The following THOC5 variants were observed in gnomAD, a reference collection of about 807,000 sequenced individuals.
THOC5 encodes the protein Fms-interacting protein.
THOC5 carries 43 observed loss-of-function variants against 92.9 expected under a neutral mutation model. The ratio of observed to expected loss-of-function variants is 0.46; its 90% confidence interval spans 0.36 to 0.60. The LOEUF is 0.60. THOC5 is among the 20% of genes least tolerant of loss of function. The pLI, the probability that THOC5 is intolerant of heterozygous loss-of-function variation, is 0.00. For synonymous variants in THOC5, 296 were observed against 320.1 expected, an observed-to-expected ratio of 0.92 and a Z score of 0.80; for missense variants, 659 against 849.4, an observed-to-expected ratio of 0.78 and a Z score of 2.79.
intron 5 of THOC5, among the ~76,000 whole-genome samples, chr22:29,539,783 A>T (rs1194579862): frequency 6.6e-6 from 1 of 152,172 alleles, no homozygotes; most frequent in East Asian, 1.9e-4. Context: ...TAAAAAGTCA[A>T]GTAAAAACAC....
intron 17 of THOC5, 28 bp downstream of exon 17, chr22:29,517,001 G>C: frequency 6.2e-7 from 1 of 1,611,750 alleles, no homozygotes; most frequent in Non-Finnish European, 8.5e-7. Flanking sequence ...CCTTTGTCTA[G>C]AACCCCTGTA....
At chr22:29,526,524 T>C (rs2063548516) in intron 11 of THOC5, among the ~76,000 whole-genome samples, 1 of 151,284 alleles carries the variant, frequency 6.6e-6, no homozygotes. Context: ...AGAGCGAGAC[T>C]CTGTCTCAAG....
intron 3 of THOC5, among the ~76,000 whole-genome samples, 192 bp downstream of exon 3, chr22:29,544,268 A>T (rs1461425505): frequency 1.3e-5 from 2 of 152,194 alleles, no homozygotes; most frequent in African/African-American, 4.8e-5. Context: ...CTGTACTTTC[A>T]TTCCTGTAAT....
chr22:29,547,245 C>T (rs549036523), intron 2 of THOC5, among the ~76,000 whole-genome samples: 5 of 152,308 alleles, frequency 3.3e-5, no homozygotes, highest in Non-Finnish European at 7.4e-5. Flanking sequence ...AAGGCAGGGG[C>T]AAATGTTTTC....
chr22:29,534,489 G>A (rs1231173117), intron 7 of THOC5: 1 of 150,830 alleles, frequency 6.6e-6, no homozygotes, highest in Non-Finnish European at 1.5e-5. Context: ...CAAGACCTTA[G>A]GCAATGAATT....
At chr22:29,549,604 G>A (rs966559279) in intron 1 of THOC5, among the ~76,000 whole-genome samples, 1 of 152,108 alleles carries the variant, frequency 6.6e-6, no homozygotes, top group Non-Finnish European at 1.5e-5. Context: ...AAAAAAGACC[G>A]ACCTAATTAA....
In THOC5 at chr22:29,508,461, C is replaced by T. The variant is rs200592450; in HGVS notation, c.2048G>A (p.Arg683His). The T allele has an allele frequency of 2.1e-5, 34 of 1,614,158 alleles. No individual in the cohort carries two copies. Among genetic ancestry groups the T allele is most frequent in the South Asian group, 8.8e-5 (8 of 91,082 alleles). ...YNHPQGFFSHR is the reference protein window; with the variant it reads ...YNHPQGFFSHH ...AACAACGGTCTGCGCGGGAGATCAG[C>T]GATGGCTGAAGAATCCCTGAGGATG... Residue 683 changes from arginine (R) to histidine (H), a missense_variant, in exon 20 of 20, where the codon CGC becomes CAC. Coordinates refer to ENST00000490103, the MANE Select transcript of THOC5 (RefSeq NM_003678.5).
intron 2 of THOC5, among the ~76,000 whole-genome samples, chr22:29,548,517 T>C (rs2064073922): frequency 6.6e-6 from 1 of 152,142 alleles, no homozygotes; most frequent in Non-Finnish European, 1.5e-5. Flanking sequence ...ATCGTGCCAC[T>C]GTACTCCGAC....
chr22:29,508,455 G>T lies in THOC5; in HGVS notation c.*2C>A, dbSNP rs2063160963. On this transcript the variant is annotated 3_prime_UTR_variant, in exon 20 of 20. Coordinates refer to ENST00000490103, the MANE Select transcript of THOC5 (RefSeq NM_003678.5). ...GGGGGAAACAACGGTCTGCGCGGGA[G>T]ATCAGCGATGGCTGAAGAATCCCTG... The T allele has an allele frequency of 1.9e-6, 3 of 1,614,060 alleles. No individual in the cohort carries two copies. Among genetic ancestry groups the T allele is most frequent in the Admixed American group, 1.7e-5 (1 of 60,006 alleles).
At chr22:29,523,512 C>T (rs2063485494) in intron 12 of THOC5, among the ~76,000 whole-genome samples, 1 of 152,154 alleles carries the variant, frequency 6.6e-6, no homozygotes, top group African/African-American at 2.4e-5. Flanking sequence ...CACAAGAACA[C>T]ACAGGTAGAA....
chr22:29,551,585 A>G (rs2064145099), intron 1 of THOC5, among the ~76,000 whole-genome samples: 1 of 152,096 alleles, frequency 6.6e-6, no homozygotes. Flanking sequence ...CCCCATCTTT[A>G]GAAAACATTT....
rs1332706153 is a variant in THOC5, at chr22:29,536,736, A to C, written c.602T>G (p.Leu201Arg). ...TAGGCACTCTCGGTACTTCTCTGCC[A>C]GCCTGTTGGGGGAGGAAAGAGCATT... ...LDWELEQRKR[L>R]AEKYRECLSN... The change falls in exon 7 of 20, where the codon CTG becomes CGG. Residue 201 changes from leucine (L) to arginine (R), a missense_variant and splice_region_variant. By Grantham distance (102) the Leu-to-Arg change is moderately radical. Transcript: ENST00000490103. 1 of 1,587,402 alleles carries C rather than the reference A, an allele frequency of 6.3e-7. No homozygotes were observed. The highest frequency in any genetic ancestry group is 8.7e-7 in the Non-Finnish European group (1 of 1,155,598).
In THOC5 at chr22:29,544,507, G is replaced by A; in HGVS notation, c.193C>T (p.Leu65=). 6.2e-7 allele frequency: 1 copy of A among 1,614,102 alleles called. No individual in the cohort carries two copies. Residue 65 remains leucine, a synonymous_variant, in exon 3 of 20, where the codon CTG becomes TTG. Transcript: ENST00000490103. ...YKYTCQELQR[L]MAEIQDLKSR... is the part of the protein sequence containing the mutation. ...TTCAGGTCTTGGATCTCAGCCATCA[G>A]CCTCTGTAGCTCCTGGCAGGTGTAC... is the stretch of plus-strand genomic sequence containing the variant.
chr22:29,547,289 C>T (rs1387352288), intron 2 of THOC5, among the ~76,000 whole-genome samples: 1 of 152,188 alleles, frequency 6.6e-6, no homozygotes, highest in African/African-American at 2.4e-5. Context: ...GTCACCTTTG[C>T]TGCAGTTTCC....
At chr22:29,552,540 C>A (rs2064182889) in intron 1 of THOC5, among the ~76,000 whole-genome samples, 1 of 139,672 alleles carries the variant, frequency 7.2e-6, no homozygotes, top group South Asian at 2.1e-4. Context: ...GGGGGGCAGC[C>A]CCCGCCCGGC....
chr22:29,550,101 T>A (rs1217863039), intron 1 of THOC5, among the ~76,000 whole-genome samples: 2 of 152,154 alleles, frequency 1.3e-5, no homozygotes, highest in East Asian at 1.9e-4. Flanking sequence ...CTCCCAATAC[T>A]ACTGTGATCA....
intron 7 of THOC5, among the ~76,000 whole-genome samples, chr22:29,534,165 AG>A (rs1434756971): frequency 1.7e-4 from 26 of 152,262 alleles, no homozygotes; most frequent in African/African-American, 6.3e-4. Flanking sequence ...GCTGAACAAA[AG>A]AAGCCAGACA....
chr22:29,508,522 T>C lies in THOC5; in HGVS notation c.1989-2A>G. 6.2e-7 allele frequency: 1 copy of C among 1,613,332 alleles called. No homozygotes were observed. Among genetic ancestry groups the C allele is most frequent in the East Asian group, 2.2e-5 (1 of 44,870 alleles). On this transcript the variant is annotated splice_acceptor_variant, in intron 19 of 19. Coordinates refer to ENST00000490103, the MANE Select transcript of THOC5 (RefSeq NM_003678.5). LOFTEE classifies it high-confidence loss of function. ...AATGGCTTCATCCTGCTAGGACCCC[T>C]AGAGAAATAGGAGAACGGAGTTGTT... is the stretch of plus-strand genomic sequence containing the variant.
At chr22:29,525,676 AC>A (rs1472332284) in intron 12 of THOC5, among the ~76,000 whole-genome samples, 161 bp downstream of exon 12, 4 of 152,172 alleles carry the variant, frequency 2.6e-5, no homozygotes, top group African/African-American at 9.7e-5. Context: ...CTTTCTAAAT[AC>A]CAGCGATGTG....
Sources: allele counts gnomAD v4.1 joint callset (sites outside exome capture counted in the v4.1 genomes callset), GRCh38; gene constraint gnomAD v4.1.1; transcripts MANE v1.5; gene names NCBI Gene and HGNC (gene_info 2026-07-23, HGNC 2026-07-21).